The following COL4A3 variants were observed in gnomAD, a reference collection of about 807,000 sequenced individuals.
COL4A3 encodes the protein collagen alpha-3(IV) chain.
In COL4A3, 135 loss-of-function variants were observed where a neutral mutation model predicts 217.4. That is an observed-to-expected ratio of 0.62 (90% CI 0.54 to 0.72). COL4A3 has a LOEUF of 0.72. COL4A3 is among the 30% of genes least tolerant of loss of function. The pLI, the probability that COL4A3 is intolerant of heterozygous loss-of-function variation, is 0.00. For missense variants in COL4A3, 1,868 were observed against 2,119.9 expected, an observed-to-expected ratio of 0.88 and a Z score of 2.33; for synonymous variants, 690 against 736.3, an observed-to-expected ratio of 0.94 and a Z score of 1.02.
chr2:227,246,935 A>G lies in COL4A3; in HGVS notation c.441+197A>G, dbSNP rs10192026. ...GGATTAGAGGTTGAGGCTTTGTTTT[A>G]CTTTTGAGACATCCAAGTGGAGATG... On this transcript the variant is annotated intron_variant, in intron 7 of 51. Coordinates refer to ENST00000396578, the MANE Select transcript of COL4A3 (RefSeq NM_000091.5). 0.82 allele frequency: 571,203 copies of G among 695,808 alleles called. 236,037 individuals carry two copies. Among genetic ancestry groups the G allele is most frequent in the East Asian group, 0.89 (31,501 of 35,580 alleles). 43.1% of individuals were successfully genotyped at this position (695,808 alleles called of 1,614,324 possible).
intron 1 of COL4A3, among the ~76,000 whole-genome samples, chr2:227,192,336 GCA>G (rs931500446): frequency 6.6e-6 from 1 of 152,130 alleles, no homozygotes; most frequent in Non-Finnish European, 1.5e-5. Flanking sequence ...TTCTTCATGT[GCA>G]CATAATGCTT....
intron 37 of COL4A3, among the ~76,000 whole-genome samples, chr2:227,291,616 C>G (rs1359387136): frequency 7.2e-6 from 1 of 139,152 alleles, no homozygotes; most frequent in South Asian, 2.3e-4. Flanking sequence ...ACTTGTCTTA[C>G]AAAGACTAAC....
At position 227,253,421 on chromosome 2, in the gene COL4A3, A is replaced by T. The variant is rs1329384133; in HGVS notation, c.687+84A>T. 2 of 1,500,244 alleles carry T rather than the reference A, an allele frequency of 1.3e-6. No individual in the cohort carries two copies. The highest frequency in any genetic ancestry group is 2.3e-5 in the South Asian group (2 of 88,802). The allele number at this position is 1,500,244 out of a possible 1,614,324, so 92.9% of individuals were successfully genotyped here. A position where few individuals can be genotyped will look rare whatever the true frequency, so the allele number is the denominator to read the frequency against. ...AGCCTATACCGTTTACTTACGGGCC[A>T]AGCTGAAATTGATGGGCCTTCATTT... is the stretch of plus-strand genomic sequence containing the variant. On this transcript the variant is annotated intron_variant, in intron 12 of 51. Transcript: ENST00000396578. The surrounding 1 kb of genome is among the most constrained non-coding windows in gnomAD (Gnocchi z 4.4).
intron 1 of COL4A3, among the ~76,000 whole-genome samples, chr2:227,198,378 T>C (rs1424788829): frequency 1.3e-5 from 2 of 152,218 alleles, no homozygotes; most frequent in African/African-American, 4.8e-5. Flanking sequence ...GTAGCAATAC[T>C]TATTTAAAAA....
chr2:227,181,589 G>A (rs2065868783), intron 1 of COL4A3, among the ~76,000 whole-genome samples: 2 of 151,976 alleles, frequency 1.3e-5, no homozygotes, highest in African/African-American at 2.4e-5. Flanking sequence ...TAGAACCTGG[G>A]GATAACCAGT....
chr2:227,273,045 G>A lies in COL4A3; in HGVS notation c.1855G>A (p.Gly619Arg), dbSNP rs773515249. 9 of 1,614,082 alleles carry A rather than the reference G, an allele frequency of 5.6e-6. No individual in the cohort carries two copies. Among genetic ancestry groups the A allele is most frequent in the East Asian group, 2.2e-5 (1 of 44,860 alleles). Residue 619 changes from glycine to arginine, a missense_variant, in exon 26 of 52, where the codon GGA (glycine) becomes AGA (arginine). Coordinates refer to ENST00000396578, the MANE Select transcript of COL4A3 (RefSeq NM_000091.5). The stretch of plus-strand genomic sequence containing the variant: ...AGGACCAGCTGGACCACCTGGCTAC[G>A]GACCCCAAGGAGAACCTGGTCTCCA... The part of the protein sequence containing the change: ...PAGPAGPPGY[G>R]PQGEPGLQGT...
intron 1 of COL4A3, chr2:227,228,450 G>C (rs1354162937): frequency 1.3e-5 from 2 of 152,440 alleles, no homozygotes; most frequent in Non-Finnish European, 2.9e-5. Context: ...GGACTGGCAG[G>C]GTCAGTAATC....
rs752597403 is a variant in COL4A3, at chr2:227,253,265, G to T, written c.646-31G>T. On this transcript the variant is annotated intron_variant, in intron 11 of 51. Transcript: ENST00000396578. This position sits in a 1 kb window ranked among gnomAD's most constrained non-coding sequence, Gnocchi z 4.4. ...GACTATTTATTCATATTTATTTTTA[G>T]AAAATAATTTGGTTTTGTGTTTTCT... 2 of 1,589,312 alleles carry T rather than the reference G, an allele frequency of 1.3e-6. No individual in the cohort carries two copies. The highest frequency in any genetic ancestry group is 1.7e-6 in the Non-Finnish European group (2 of 1,157,816).
At chr2:227,202,792 G>GTA (rs1177472704) in intron 1 of COL4A3, among the ~76,000 whole-genome samples, 2 of 118,322 alleles carry the variant, frequency 1.7e-5, no homozygotes, top group South Asian at 2.6e-4. Flanking sequence ...ATACACATGT[G>GTA]TATATATATA....
chr2:227,214,298 T>A (rs1233148875), intron 1 of COL4A3, among the ~76,000 whole-genome samples: 1 of 152,216 alleles, frequency 6.6e-6, no homozygotes, highest in Non-Finnish European at 1.5e-5. Flanking sequence ...TTAAAAGTCA[T>A]TGTTGAGTTA....
chr2:227,186,616 G>A (rs1351303458), intron 1 of COL4A3, among the ~76,000 whole-genome samples: 1 of 152,168 alleles, frequency 6.6e-6, no homozygotes, highest in Admixed American at 6.5e-5. Flanking sequence ...TTTTATTAAG[G>A]GGGTAAGTAG....
At chr2:227,188,422 C>G (rs1426379155) in intron 1 of COL4A3, among the ~76,000 whole-genome samples, 1 of 151,816 alleles carries the variant, frequency 6.6e-6, no homozygotes, top group East Asian at 1.9e-4. Flanking sequence ...GAGTCATTGG[C>G]TTAACACAAA....
intron 17 of COL4A3, 106 bp downstream of exon 17, chr2:227,256,502 T>A (rs867665042): frequency 6.6e-6 from 6 of 905,262 alleles, no homozygotes; most frequent in Middle Eastern, 2.5e-4. Context: ...ATAACAGACT[T>A]CATTCAAATA....
intron 1 of COL4A3, among the ~76,000 whole-genome samples, chr2:227,185,178 G>A (rs1348132088): frequency 6.6e-6 from 1 of 152,116 alleles, no homozygotes; most frequent in East Asian, 1.9e-4. Flanking sequence ...GGGATTACAA[G>A]CGTGAGCCAC....
chr2:227,225,115 C>T lies in COL4A3; in HGVS notation c.88-12853C>T, dbSNP rs554050359. Among the ~76,000 whole-genome samples, 24 of 152,250 alleles carry T rather than the reference C, an allele frequency of 1.6e-4. No homozygotes were observed. The South Asian group carries it at 4.1e-3, about 26-fold the overall frequency. On this transcript the variant is annotated intron_variant, in intron 1 of 51. Coordinates refer to ENST00000396578, the MANE Select transcript of COL4A3 (RefSeq NM_000091.5). ...GAGACAGGGTCCCACTATGTTGCCCCGGCTGGTCTCCAACCCCTGGGCTCA... is the reference window on the plus strand; with the variant it reads ...GAGACAGGGTCCCACTATGTTGCCCTGGCTGGTCTCCAACCCCTGGGCTCA...
At chr2:227,305,231 T>C (rs1426898156) in intron 47 of COL4A3, 148 bp downstream of exon 47, 2 of 739,642 alleles carry the variant, frequency 2.7e-6, no homozygotes, top group South Asian at 3.1e-5. Flanking sequence ...AATGTTCATT[T>C]GGAAGATGAG....
intron 1 of COL4A3, among the ~76,000 whole-genome samples, chr2:227,172,426 T>A (rs756135947): frequency 6.6e-6 from 1 of 152,006 alleles, no homozygotes; most frequent in Admixed American, 6.6e-5. Flanking sequence ...TCTCATTATA[T>A]CCTCACAAGG....
At chr2:227,174,772 G>A (rs895309559) in intron 1 of COL4A3, among the ~76,000 whole-genome samples, 1 of 152,162 alleles carries the variant, frequency 6.6e-6, no homozygotes, top group African/African-American at 2.4e-5. Context: ...CTCCCAAAGT[G>A]TTGGGATTAT....
chr2:227,285,970 C>G (rs1383381497), intron 34 of COL4A3, among the ~76,000 whole-genome samples: 2 of 152,156 alleles, frequency 1.3e-5, no homozygotes, highest in African/African-American at 4.8e-5. Context: ...AAGCTATTCA[C>G]TTCAAATGTG....
Sources: allele counts gnomAD v4.1 joint callset (sites outside exome capture counted in the v4.1 genomes callset), GRCh38; gene constraint gnomAD v4.1.1; non-coding constraint Gnocchi (gnomAD v3.1); transcripts MANE v1.5; gene names NCBI Gene and HGNC (gene_info 2026-07-23, HGNC 2026-07-21).